TLN2: variants seen among roughly 807,000 people sequenced by gnomAD.
The protein encoded by TLN2 is talin 2.
TLN2 carries 118 observed loss-of-function variants against 294.7 expected under a neutral mutation model. The ratio of observed to expected loss-of-function variants is 0.40; its 90% CI spans 0.34 to 0.47. TLN2 has a LOEUF of 0.47. Ranked by LOEUF, TLN2 falls within the 20% of genes least tolerant of loss-of-function variation. The probability of loss-of-function intolerance (pLI) is 0.84; values close to 1 mark genes in which losing one functional copy is unlikely to be tolerated. For missense variants in TLN2, 3,083 were observed against 3,282.2 expected (o/e 0.94, Z 1.48); for synonymous variants, 1,431 against 1,304.5 (o/e 1.10, Z -2.09).
chr15:62,803,824 T>C (rs2066090646), intron 50 of TLN2, among the ~76,000 whole-genome samples: 2 of 152,196 alleles, frequency 1.3e-5, no homozygotes, highest in South Asian at 4.1e-4. Context: ...TTCAGTGAGG[T>C]TATGTTTTCC....
In TLN2 at chr15:62,675,265, T is replaced by C; in HGVS notation, c.901T>C (p.Tyr301His). 1 of 1,614,250 alleles carries C rather than the reference T, an allele frequency of 6.2e-7. No homozygotes were observed. Among genetic ancestry groups the C allele is most frequent in the Non-Finnish European group, 8.5e-7 (1 of 1,180,048 alleles). ...GAGTGAGATAGAAGCCAAGGTCAAG[T>C]ACGTCAAACTCGCACGGTCCCTCCG... ...EMSEIEAKVK[Y>H]VKLARSLRTY... Residue 301 changes from tyrosine (Y) to histidine (H), a missense_variant, in exon 11 of 59, where the codon TAC (tyrosine) becomes CAC (histidine). Coordinates refer to ENST00000636159, the MANE Select transcript of TLN2 (RefSeq NM_015059.3).
intron 2 of TLN2, among the ~76,000 whole-genome samples, chr15:62,612,182 C>T (rs971485780): frequency 6.6e-6 from 1 of 152,190 alleles, no homozygotes; most frequent in African/African-American, 2.4e-5. Flanking sequence ...AATCGTCCTT[C>T]ACTCTACGAT....
At chr15:62,696,654 G>A (rs542321237) in intron 14 of TLN2, among the ~76,000 whole-genome samples, 2 of 152,302 alleles carry the variant, frequency 1.3e-5, no homozygotes, top group South Asian at 2.1e-4. Context: ...GTTGCAGTGA[G>A]CCGAGATCAC....
chr15:62,616,415 A>G (rs985386932), intron 2 of TLN2, among the ~76,000 whole-genome samples: 1 of 152,024 alleles, frequency 6.6e-6, no homozygotes. Flanking sequence ...ACTATTTTCC[A>G]TACATTTTCT....
At chr15:62,839,058 C>CTTCAAGATGAAAGTTTATTTCTTCCTCG (rs1423150161) in intron 58 of TLN2, 77 bp downstream of exon 58, 2 of 1,535,754 alleles carry the variant, frequency 1.3e-6, no homozygotes, top group Non-Finnish European at 1.8e-6. Context: ...AGAATAGTGA[C>CTTCAAGATGAAAGTTTATTTCTTCCTCG]TTCAAGATGA....
intron 1 of TLN2, among the ~76,000 whole-genome samples, chr15:62,554,563 T>C (rs1437469494): frequency 6.6e-6 from 1 of 151,986 alleles, no homozygotes; most frequent in Non-Finnish European, 1.5e-5. Context: ...TCTAGGATGA[T>C]GGGACAGAGA....
intron 2 of TLN2, among the ~76,000 whole-genome samples, chr15:62,596,511 G>A (rs1031682739): frequency 5.9e-5 from 9 of 152,146 alleles, no homozygotes; most frequent in African/African-American, 2.2e-4. Context: ...GCCAAAGTGA[G>A]TGGATCACCT....
rs747420067 is a variant in TLN2, at chr15:62,692,867, T to C, written c.1141T>C (p.Tyr381His). ...LDFGEYQESY[Y>H]SVQTTEGEQI... ...TTTTGGGGAGTATCAGGAAAGCTAC[T>C]ATTCAGTACAAACCACCGAGGGAGA... The change falls in exon 13 of 59, where the codon TAT (tyrosine) becomes CAT (histidine). Residue 381 changes from tyrosine (Y) to histidine (H), a missense_variant. Physicochemically the swap from Tyr to His is moderately conservative, Grantham distance 83. Transcript: ENST00000636159. 11 of 1,613,570 alleles carry C rather than the reference T, an allele frequency of 6.8e-6. No homozygotes were observed. Among genetic ancestry groups the C allele is most frequent in the Admixed American group, 1.7e-5 (1 of 59,884 alleles).
chr15:62,401,402 A>T (rs1240458529), intron 1 of TLN2, among the ~76,000 whole-genome samples: 1 of 152,200 alleles, frequency 6.6e-6, no homozygotes, highest in African/African-American at 2.4e-5. Context: ...GGTCAGCTCT[A>T]AGTAAAGCAG....
At chr15:62,718,670 G>A (rs772515911) in intron 24 of TLN2, among the ~76,000 whole-genome samples, 1 of 152,212 alleles carries the variant, frequency 6.6e-6, no homozygotes, top group African/African-American at 2.4e-5. Context: ...TAGAGAAGGA[G>A]TCTTGCTGAG....
Position 62,620,837 on chromosome 15 carries a change from CTTTTTTTTTT to C in TLN2, c.-37+2374_-37+2383del, listed in dbSNP as rs71129016. 3.3e-3 allele frequency among the ~76,000 whole-genome samples: 217 copies of C among 66,416 alleles called. 1 individual carries two copies. Among genetic ancestry groups the C allele is most frequent in the African/African-American group, 0.011 (205 of 18,184 alleles). 43.6% of individuals were successfully genotyped at this position (66,416 alleles called of 152,430 possible). A position where few individuals can be genotyped will look rare whatever the true frequency, so the allele number is the denominator to read the frequency against. On this transcript the variant is annotated intron_variant, in intron 3 of 58. Coordinates refer to ENST00000636159, the MANE Select transcript of TLN2 (RefSeq NM_015059.3). ...GCTTCTTTTTTTTTTCTTTCTTTTT[CTTTTTTTTTT>C]TTTTTTTTTTTCTGAGACGGAGTCT...
intron 1 of TLN2, among the ~76,000 whole-genome samples, chr15:62,451,719 G>A (rs1303286953): frequency 6.6e-6 from 1 of 152,220 alleles, no homozygotes; most frequent in Admixed American, 6.5e-5. Flanking sequence ...GACCAGAACT[G>A]TGGTGAGGGA....
intron 3 of TLN2, among the ~76,000 whole-genome samples, chr15:62,644,231 C>T (rs1235440996): frequency 6.9e-6 from 1 of 143,956 alleles, no homozygotes; most frequent in Non-Finnish European, 1.5e-5. Flanking sequence ...TGCATTTTAC[C>T]TGACCTGTGA....
chr15:62,587,289 A>G (rs192833468), intron 1 of TLN2, among the ~76,000 whole-genome samples: 165 of 152,380 alleles, frequency 1.1e-3, no homozygotes, highest in African/African-American at 3.8e-3. Flanking sequence ...TTAAAAGTTA[A>G]GTAGCTCCAT....
intron 3 of TLN2, among the ~76,000 whole-genome samples, chr15:62,641,255 T>C (rs986707598): frequency 6.6e-6 from 1 of 152,178 alleles, no homozygotes; most frequent in African/African-American, 2.4e-5. Flanking sequence ...GTAGCTCAGA[T>C]AGTGGCCGAC....
At chr15:62,713,228 G>A (rs1372553607) in intron 22 of TLN2, among the ~76,000 whole-genome samples, 5 of 131,318 alleles carry the variant, frequency 3.8e-5, no homozygotes, top group Non-Finnish European at 7.7e-5. Context: ...CCAAGATCGT[G>A]CCACTGCACT....
intron 1 of TLN2, among the ~76,000 whole-genome samples, chr15:62,463,383 C>G (rs1433512230): frequency 6.6e-6 from 1 of 152,152 alleles, no homozygotes; most frequent in African/African-American, 2.4e-5. Flanking sequence ...TGATTGATTT[C>G]TCTATTTCAC....
At chr15:62,500,204 G>A (rs2039234408) in intron 1 of TLN2, among the ~76,000 whole-genome samples, 1 of 152,074 alleles carries the variant, frequency 6.6e-6, no homozygotes, top group Admixed American at 6.5e-5. Flanking sequence ...CAGGTGTGGT[G>A]GCGCATGCCT....
intron 1 of TLN2, among the ~76,000 whole-genome samples, chr15:62,554,082 A>G (rs2042472195): frequency 6.6e-6 from 1 of 152,006 alleles, no homozygotes; most frequent in African/African-American, 2.4e-5. Context: ...GACTAGATGC[A>G]GTTGGGTAAA....
Sources: gnomAD v4.1 joint callset for allele counts (sites outside exome capture counted in the v4.1 genomes callset) on GRCh38, gnomAD v4.1.1 for gene constraint, MANE v1.5 for transcripts, NCBI Gene and HGNC (gene_info 2026-07-23, HGNC 2026-07-21) for gene names.